CD5: variants seen among roughly 807,000 people sequenced by gnomAD.
CD5 encodes T-cell surface glycoprotein CD5.
In CD5, 36 loss-of-function variants were observed where a neutral mutation model predicts 60.3. The ratio of observed to expected loss-of-function variants is 0.60; its 90% CI spans 0.46 to 0.79. The LOEUF (loss-of-function observed/expected upper bound fraction) is 0.79. Among genes scored for constraint, CD5 ranks in the 30% least tolerant of loss-of-function variants. The probability of loss-of-function intolerance (pLI) is 0.00; values close to 1 mark genes in which losing one functional copy is unlikely to be tolerated. For synonymous variants in CD5, 230 were observed against 257.6 expected, an observed-to-expected ratio of 0.89 and a Z score of 1.03; for missense variants, 540 against 630.6, an observed-to-expected ratio of 0.86 and a Z score of 1.54.
Position 61,118,393 on chromosome 11 carries a change from A to C in CD5, c.313A>C (p.Ile105Leu). The C allele has an allele frequency of 6.2e-7, 1 of 1,614,216 alleles. No individual in the cohort carries two copies. The highest frequency in any genetic ancestry group is 8.5e-7 in the Non-Finnish European group (1 of 1,180,016). The change falls in exon 3 of 11, where the codon ATC becomes CTC. Residue 105 changes from isoleucine (I) to leucine (L), a missense_variant. Ile to Leu is a conservative substitution (Grantham distance 5). Transcript: ENST00000347785. This position sits in a 1 kb window ranked among gnomAD's most constrained non-coding sequence, Gnocchi z 4.7. ...FLVTYTPQSSIICYGQLGSFS... is the reference protein window; with the variant it reads ...FLVTYTPQSSLICYGQLGSFS... ...TGTCACCTACACACCTCAGAGCTCA[A>C]TCATCTGCTACGGACAACTGGGCTC...
chr11:61,107,460 T>C (rs1159545436), intron 1 of CD5, among the ~76,000 whole-genome samples: 1 of 152,194 alleles, frequency 6.6e-6, no homozygotes, highest in Non-Finnish European at 1.5e-5. Context: ...AGCTTTCAGA[T>C]TGTAGAAGGA....
intron 1 of CD5, among the ~76,000 whole-genome samples, chr11:61,103,322 G>A (rs370290630): frequency 3.9e-4 from 59 of 152,322 alleles, no homozygotes; most frequent in East Asian, 3.7e-3. Flanking sequence ...ATGAAATGTG[G>A]GGGTTGGGGG....
At chr11:61,112,637 CTG>C (rs1191061774) in intron 1 of CD5, among the ~76,000 whole-genome samples, 1 of 131,648 alleles carries the variant, frequency 7.6e-6, no homozygotes, top group African/African-American at 2.6e-5. Flanking sequence ...GAGGAAGACT[CTG>C]TTTCAAAAAA....
chr11:61,116,598 A>G (rs1206312013), intron 2 of CD5, among the ~76,000 whole-genome samples: 18 of 98,348 alleles, frequency 1.8e-4, no homozygotes, highest in Non-Finnish European at 2.9e-4. Context: ...CACACTACAC[A>G]CCACACACCA....
chr11:61,115,864 A>C (rs57437213), intron 2 of CD5, among the ~76,000 whole-genome samples: 4,898 of 152,308 alleles, frequency 0.032, 268 homozygotes, highest in African/African-American at 0.11. Context: ...CTGACATCCT[A>C]GCTCCAAGCT....
At position 61,118,169 on chromosome 11, in the gene CD5, C is replaced by A; in HGVS notation, c.95-6C>A. On this transcript the variant is annotated splice_polypyrimidine_tract_variant and splice_region_variant and intron_variant, in intron 2 of 10. Coordinates refer to ENST00000347785, the MANE Select transcript of CD5 (RefSeq NM_014207.4). The surrounding 1 kb of genome is among the most constrained non-coding windows in gnomAD (Gnocchi z 4.7). ...CTGACCCCCACCACACCTTTCTGAC[C>A]CCCAGATTTCCAGGCAAGGCTCACC... 6.2e-7 allele frequency: 1 copy of A among 1,611,492 alleles called. No individual in the cohort carries two copies. Among genetic ancestry groups the A allele is most frequent in the South Asian group, 1.1e-5 (1 of 90,926 alleles).
chr11:61,110,274 C>T (rs1022671707), intron 1 of CD5, among the ~76,000 whole-genome samples: 3 of 152,058 alleles, frequency 2.0e-5, no homozygotes, highest in African/African-American at 7.2e-5. Flanking sequence ...ATACACAACA[C>T]ACTCAGGAAG....
chr11:61,121,555 G>A (rs188040410), intron 5 of CD5, 56 bp from the exon 6 acceptor site: 14 of 1,371,088 alleles, frequency 1.0e-5, no homozygotes, highest in Non-Finnish European at 1.3e-5. Flanking sequence ...CCAGGAAGCA[G>A]CACACAGGCT....
chr11:61,124,011 G>C (rs2134612669), intron 8 of CD5, 74 bp downstream of exon 8: 2 of 1,188,710 alleles, frequency 1.7e-6, no homozygotes, highest in East Asian at 4.7e-5. Flanking sequence ...GAGGCTCTCT[G>C]CTGACCACAG....
chr11:61,111,789 G>A (rs1160464093), intron 1 of CD5, among the ~76,000 whole-genome samples: 1 of 152,170 alleles, frequency 6.6e-6, no homozygotes, highest in Non-Finnish European at 1.5e-5. Context: ...TGCTGCCCTG[G>A]GCACAGCTTC....
the CD5 span, among the ~76,000 whole-genome samples, chr11:61,096,572 G>A: frequency 6.6e-6 from 1 of 152,228 alleles, no homozygotes; most frequent in Non-Finnish European, 1.5e-5. Flanking sequence ...ACCAGTTCTT[G>A]TACATGCCTG....
At chr11:61,097,036 A>C in the CD5 span, among the ~76,000 whole-genome samples, 6 of 152,204 alleles carry the variant, frequency 3.9e-5, no homozygotes. Context: ...CCAGTACAGG[A>C]CTTGGTCCGA....
upstream of CD5, among the ~76,000 whole-genome samples, chr11:61,099,478 T>TCACACACACACAACATGGAGAACA: frequency 9.5e-6 from 1 of 105,478 alleles, no homozygotes. Context: ...AACATGGAGA[T>TCACACACACACAACATGGAGAACA]CACACACACA....
intron 1 of CD5, among the ~76,000 whole-genome samples, chr11:61,110,445 A>G (rs1183995874): frequency 6.6e-6 from 1 of 152,250 alleles, no homozygotes; most frequent in Non-Finnish European, 1.5e-5. Context: ...GAGCCCAGAG[A>G]GGCTGAGTGG....
At chr11:61,105,568 A>G (rs1305154144) in intron 1 of CD5, among the ~76,000 whole-genome samples, 1 of 152,234 alleles carries the variant, frequency 6.6e-6, no homozygotes, top group East Asian at 1.9e-4. Flanking sequence ...TACCAGGGTC[A>G]GCAAGAAACA....
At chr11:61,119,607 C>T in intron 5 of CD5, 32 bp downstream of exon 5, 1 of 1,500,976 alleles carries the variant, frequency 6.7e-7, no homozygotes, top group South Asian at 1.2e-5. Context: ...CCCATGACAC[C>T]TTCTGCTGCC....
At chr11:61,116,941 A>G (rs1481856107) in intron 2 of CD5, among the ~76,000 whole-genome samples, 1 of 151,890 alleles carries the variant, frequency 6.6e-6, no homozygotes, top group Non-Finnish European at 1.5e-5. Context: ...GTTTGATAAA[A>G]TCACACAAGA....
Position 61,122,877 on chromosome 11 carries a change from G to A in CD5, c.1100-30G>A, listed in dbSNP as rs200326779. 4.3e-5 allele frequency: 69 copies of A among 1,596,802 alleles called. No individual in the cohort carries two copies. In the African/African-American group the frequency reaches 8.0e-4, roughly 19 times the overall value. On this transcript the variant is annotated intron_variant, in intron 6 of 10. Transcript: ENST00000347785. ...CACAGTTTTTCTCCCCCCAGGACTGGGACTGACCTAACTCTTCCTCCTTCC... is the reference window on the plus strand; with the variant it reads ...CACAGTTTTTCTCCCCCCAGGACTGAGACTGACCTAACTCTTCCTCCTTCC...
chr11:61,119,705 T>A (rs1446051133), intron 5 of CD5, 130 bp downstream of exon 5: 1 of 678,280 alleles, frequency 1.5e-6, no homozygotes, highest in Non-Finnish European at 2.5e-6. Context: ...AGTGGAGGCC[T>A]GGTCTTGGCC....
Sources: gnomAD v4.1 joint callset for allele counts (sites outside exome capture counted in the v4.1 genomes callset) on GRCh38, gnomAD v4.1.1 for gene constraint, Gnocchi (gnomAD v3.1) non-coding constraint, MANE v1.5 for transcripts, NCBI Gene and HGNC (gene_info 2026-07-23, HGNC 2026-07-21) for gene names.